Variants in HNF4A observed in about 807,000 individuals in gnomAD.
The protein encoded by HNF4A is hepatocyte nuclear factor 4 alpha, also known as hepatocyte nuclear factor 4-alpha.
In HNF4A, 15 loss-of-function variants were observed where a neutral mutation model predicts 52.4. The observed-to-expected ratio is 0.29, with a 90% confidence interval of 0.19 to 0.44. HNF4A has a LOEUF of 0.44. Ranked by LOEUF, HNF4A falls within the 20% of genes least tolerant of loss-of-function variation. The pLI, the probability that HNF4A is intolerant of heterozygous loss-of-function variation, is 1.00. For synonymous variants in HNF4A, 280 were observed against 264.4 expected, an observed-to-expected ratio of 1.06 and a Z score of -0.57; for missense variants, 479 against 647.2, an observed-to-expected ratio of 0.74 and a Z score of 2.82.
chr20:44,376,409 CT>C (rs1045403718), intron 1 of HNF4A, among the ~76,000 whole-genome samples: 4 of 151,938 alleles, frequency 2.6e-5, no homozygotes, highest in African/African-American at 4.8e-5. Context: ...AGATGGTTGA[CT>C]TTTTTTTATA....
chr20:44,409,679 G>A (rs1405567299), intron 3 of HNF4A, among the ~76,000 whole-genome samples: 1 of 152,002 alleles, frequency 6.6e-6, no homozygotes, highest in African/African-American at 2.4e-5. Flanking sequence ...TGTAATTTAG[G>A]GACATTTCTG....
upstream of HNF4A, among the ~76,000 whole-genome samples, chr20:44,400,379 A>C (rs2063392457): frequency 6.6e-6 from 1 of 152,166 alleles, no homozygotes; most frequent in South Asian, 2.1e-4. Flanking sequence ...ACCAGGCCCC[A>C]CTTGGTGCTT....
chr20:44,394,287 C>T (rs1470393675), intron 1 of HNF4A, among the ~76,000 whole-genome samples: 2 of 152,166 alleles, frequency 1.3e-5, no homozygotes, highest in Non-Finnish European at 2.9e-5. Context: ...CCCCTGAATA[C>T]CCGAGGTGAC....
intron 1 of HNF4A, among the ~76,000 whole-genome samples, chr20:44,365,576 G>A (rs1466380409): frequency 1.3e-5 from 2 of 152,150 alleles, no homozygotes; most frequent in East Asian, 3.8e-4. Flanking sequence ...GAATTTAGGC[G>A]AAGGGATACA....
At chr20:44,405,705 C>T (rs1242035702) in intron 1 of HNF4A, among the ~76,000 whole-genome samples, 2 of 152,194 alleles carry the variant, frequency 1.3e-5, no homozygotes, top group Non-Finnish European at 2.9e-5. Flanking sequence ...GGGGAAAATG[C>T]AGGGGAATGT....
intron 1 of HNF4A, among the ~76,000 whole-genome samples, chr20:44,385,078 T>TTTTTTTTTTTTTTTTTTTTTG (rs2063206181): frequency 7.2e-6 from 1 of 139,014 alleles, no homozygotes; most frequent in Non-Finnish European, 1.5e-5. Flanking sequence ...TTTTTTTTTT[T>TTTTTTTTTTTTTTTTTTTTTG]TTTTTTTTTG....
chr20:44,363,450 T>C (rs949651306), intron 1 of HNF4A, among the ~76,000 whole-genome samples: 1 of 152,126 alleles, frequency 6.6e-6, no homozygotes, highest in Non-Finnish European at 1.5e-5. Flanking sequence ...CAACTGTCTC[T>C]GGCTGGAGAC....
Position 44,424,270 on chromosome 20 carries a change from AG to A in HNF4A, c.1129+18del, listed in dbSNP as rs765568726. The A allele has an allele frequency of 1.2e-5, 20 of 1,613,282 alleles. No individual in the cohort carries two copies. In the South Asian group the frequency reaches 2.2e-4, roughly 18 times the overall value. ...CTGCTGGGAGGTCCGTGCCAAGCCC[AG>A]GAGGGGCGGGGTTGGAGTGGGGACT... On this transcript the variant is annotated intron_variant, in intron 8 of 9. Transcript: ENST00000316099.
chr20:44,370,465 A>C (rs929145877), intron 1 of HNF4A, among the ~76,000 whole-genome samples: 1 of 152,180 alleles, frequency 6.6e-6, no homozygotes, highest in Non-Finnish European at 1.5e-5. Flanking sequence ...TCAGGGCCTT[A>C]GTTCAAATGT....
chr20:44,396,549 C>T (rs1172974239), upstream of HNF4A, among the ~76,000 whole-genome samples: 1 of 152,106 alleles, frequency 6.6e-6, no homozygotes, highest in East Asian at 1.9e-4. Flanking sequence ...GGCCCGACAG[C>T]AAGTGAGCAG....
chr20:44,414,261 C>A (rs577655068), intron 4 of HNF4A, among the ~76,000 whole-genome samples: 1 of 152,212 alleles, frequency 6.6e-6, no homozygotes, highest in Admixed American at 6.5e-5. Context: ...CTCCTTGGGG[C>A]TCTAAAGCTG....
At chr20:44,392,816 T>C (rs2425634) in intron 1 of HNF4A, among the ~76,000 whole-genome samples, 130,917 of 152,194 alleles carry the variant, frequency 0.86, 56,412 homozygotes, top group Middle Eastern at 0.93. Context: ...CCCAGCAGCT[T>C]ACATGAAGCC....
chr20:44,379,428 G>A lies in HNF4A; in HGVS notation c.49+23575G>A, dbSNP rs149697239. ...CGTTCCCACCAGCAGTGATAGGAAC[G>A]TAAAAGGGTTACAATTTCTCCACAT... On this transcript the variant is annotated intron_variant, in intron 1 of 9. Transcript: ENST00000316673. Among the ~76,000 whole-genome samples the A allele has an allele frequency of 5.3e-3, 804 of 152,202 alleles. 6 individuals carry two copies. Among genetic ancestry groups the A allele is most frequent in the African/African-American group, 0.018 (733 of 41,520 alleles).
chr20:44,417,823 G>T (rs1250425209), intron 5 of HNF4A, among the ~76,000 whole-genome samples: 1 of 151,916 alleles, frequency 6.6e-6, no homozygotes, highest in Non-Finnish European at 1.5e-5. Flanking sequence ...AATAAAATTA[G>T]CCAGGCATGG....
At chr20:44,355,834 T>C (rs772889022) in exon 1 of HNF4A, 13 of 1,613,370 alleles carry the variant, frequency 8.1e-6, no homozygotes, top group Admixed American at 1.7e-5. Flanking sequence ...CCCTCGGGGC[T>C]CCAGTGGAGA....
chr20:44,383,936 C>G (rs767963958), intron 1 of HNF4A, among the ~76,000 whole-genome samples: 2 of 151,778 alleles, frequency 1.3e-5, no homozygotes, highest in East Asian at 3.9e-4. Flanking sequence ...CTGCAACCTC[C>G]GCCTCCCAGG....
intron 1 of HNF4A, among the ~76,000 whole-genome samples, chr20:44,373,759 G>A (rs373716936): frequency 2.0e-5 from 3 of 151,686 alleles, no homozygotes; most frequent in Non-Finnish European, 2.9e-5. Context: ...GCATGATCTC[G>A]GCTCACTGCA....
At chr20:44,428,295 TC>T (rs751653960) in intron 8 of HNF4A, 39 bp from the exon 9 acceptor site, 5 of 1,610,924 alleles carry the variant, frequency 3.1e-6, no homozygotes, top group Non-Finnish European at 4.2e-6. Context: ...GAGGTCTGCA[TC>T]CCAGACTCTC....
chr20:44,396,028 AGGC>A (rs1376419360), intron 1 of HNF4A, among the ~76,000 whole-genome samples: 2 of 152,120 alleles, frequency 1.3e-5, no homozygotes, highest in African/African-American at 4.8e-5. Flanking sequence ...TGCAAGACTG[AGGC>A]AGTGAAACCA....
Sources: allele counts gnomAD v4.1 joint callset (sites outside exome capture counted in the v4.1 genomes callset), GRCh38; gene constraint gnomAD v4.1.1; transcripts MANE v1.5; gene names NCBI Gene and HGNC (gene_info 2026-07-23, HGNC 2026-07-21).